The following NCOA7 variants were observed in gnomAD, a reference collection of about 807,000 sequenced individuals.
NCOA7 encodes the protein nuclear receptor coactivator 7.
In NCOA7, 45 loss-of-function variants were observed where a neutral mutation model predicts 104.3. That is an observed-to-expected ratio of 0.43 (90% CI 0.34 to 0.55). The LOEUF (loss-of-function observed/expected upper bound fraction) is 0.55. Among genes scored for constraint, NCOA7 ranks in the 20% least tolerant of loss-of-function variants. The pLI, the probability that NCOA7 is intolerant of heterozygous loss-of-function variation, is 0.02. For missense variants in NCOA7, 1,041 were observed against 1,119.7 expected, an observed-to-expected ratio of 0.93 and a Z score of 1.00; for synonymous variants, 398 against 402.3, an observed-to-expected ratio of 0.99 and a Z score of 0.13.
chr6:125,915,571 A>G (rs1786995351), intron 11 of NCOA7, 91 bp downstream of exon 11: 1 of 1,495,558 alleles, frequency 6.7e-7, no homozygotes, highest in Non-Finnish European at 9.2e-7. Flanking sequence ...CTGGTAAGAA[A>G]CTAGAGTCCC....
chr6:125,793,772 A>G (rs1469387387), intron 1 of NCOA7, among the ~76,000 whole-genome samples: 1 of 152,224 alleles, frequency 6.6e-6, no homozygotes, highest in Non-Finnish European at 1.5e-5. Flanking sequence ...AGAATTGTTG[A>G]TTGCAGAAAA....
At chr6:125,800,325 G>A (rs1286067936) in intron 1 of NCOA7, among the ~76,000 whole-genome samples, 1 of 152,224 alleles carries the variant, frequency 6.6e-6, no homozygotes, top group African/African-American at 2.4e-5. Flanking sequence ...TGTACCACAT[G>A]AAGGTACAGA....
At chr6:125,838,101 GATTA>G (rs1323859359) in intron 2 of NCOA7, among the ~76,000 whole-genome samples, 2 of 152,144 alleles carry the variant, frequency 1.3e-5, no homozygotes, top group South Asian at 4.1e-4. Context: ...ATAAAAGGCA[GATTA>G]ATAAGAGAGA....
At chr6:125,890,507 C>T in intron 9 of NCOA7, 135 bp from the exon 10 acceptor site, 1 of 848,630 alleles carries the variant, frequency 1.2e-6, no homozygotes, top group South Asian at 2.2e-5. Context: ...TTTATTAGTC[C>T]TGATACGATG....
Position 125,840,269 on chromosome 6 carries a change from A to G in NCOA7, c.51-14751A>G, listed in dbSNP as rs1038779627. ...AGAAAATATTTTTGTATGCTATACA[A>G]TGTGTTTATATTTTTAGCTAAATAT... On this transcript the variant is annotated intron_variant, in intron 2 of 15. Transcript: ENST00000392477. Among the ~76,000 whole-genome samples the G allele has an allele frequency of 1.3e-4, 20 of 152,268 alleles. 1 individual carries two copies. Among genetic ancestry groups the G allele is most frequent in the African/African-American group, 3.6e-4 (15 of 41,510 alleles).
chr6:125,886,183 GGAA>G (rs1472777092), intron 8 of NCOA7, among the ~76,000 whole-genome samples: 1 of 120,464 alleles, frequency 8.3e-6, no homozygotes, highest in Admixed American at 7.6e-5. Flanking sequence ...AAAAAAAAAA[GGAA>G]GTTACTAGGG....
At chr6:125,794,675 T>C (rs9398791) in intron 1 of NCOA7, among the ~76,000 whole-genome samples, 61,384 of 150,638 alleles carry the variant, frequency 0.41, 14,183 homozygotes, top group East Asian at 0.7. Context: ...GAACAAGAAT[T>C]GCAAATTTAG....
chr6:125,848,260 G>C (rs943053452), intron 2 of NCOA7, among the ~76,000 whole-genome samples: 1 of 152,152 alleles, frequency 6.6e-6, no homozygotes, highest in Non-Finnish European at 1.5e-5. Flanking sequence ...CAAGGATCTA[G>C]AACTAGAAAT....
chr6:125,918,937 G>T (rs2128693995), intron 11 of NCOA7, among the ~76,000 whole-genome samples: 1 of 151,910 alleles, frequency 6.6e-6, no homozygotes, highest in Non-Finnish European at 1.5e-5. Context: ...CTTAAAGAAG[G>T]TGCTGGGGGC....
Position 125,813,796 on chromosome 6 carries a change from T to C in NCOA7, c.-64-1495T>C, listed in dbSNP as rs1777306323. On this transcript the variant is annotated intron_variant, in intron 1 of 15. Transcript: ENST00000392477. ...AACCTTAGTGTGTGCTCAGGATACC[T>C]GGGGTGGGCCTTGCATAGTGTTAAG... Among the ~76,000 whole-genome samples the C allele has an allele frequency of 4.6e-5, 7 of 152,104 alleles. No individual in the cohort carries two copies. The South Asian group carries it at 1.2e-3, about 27-fold the overall frequency.
intron 2 of NCOA7, among the ~76,000 whole-genome samples, chr6:125,841,074 G>A (rs1433484568): frequency 1.3e-5 from 2 of 150,830 alleles, no homozygotes; most frequent in Non-Finnish European, 3.0e-5. Context: ...TGTAGTTTTA[G>A]TAGAGACAGG....
chr6:125,928,786 TA>T lies in NCOA7; in HGVS notation c.*19del. Reference sequence around the variant, plus strand: ...CATTTGATTGAAATTCAGACTGCCTTAAAATATAACATTAAAAAGACTGGGT... The same window carrying T: ...CATTTGATTGAAATTCAGACTGCCTTAAATATAACATTAAAAAGACTGGGT... On this transcript the variant is annotated 3_prime_UTR_variant, in exon 16 of 16. Transcript: ENST00000392477. 1 of 1,607,488 alleles carries T rather than the reference TA, an allele frequency of 6.2e-7. No homozygotes were observed. Among genetic ancestry groups the T allele is most frequent in the East Asian group, 2.2e-5 (1 of 44,800 alleles).
At chr6:125,839,975 A>G (rs1210253701) in intron 2 of NCOA7, among the ~76,000 whole-genome samples, 1 of 151,980 alleles carries the variant, frequency 6.6e-6, no homozygotes, top group African/African-American at 2.4e-5. Context: ...TAAAAAAAAA[A>G]AGCTAAACAG....
In NCOA7 at chr6:125,882,591, A is replaced by G. The variant is rs375572726; in HGVS notation, c.699+40A>G. 1.8e-4 allele frequency: 290 copies of G among 1,595,714 alleles called. 2 individuals are homozygous for G. In the South Asian group the frequency reaches 3.0e-3, roughly 16 times the overall value. ...AATTTGTTTCCTTTCCTTGAAATCTATGAAAAACTAAACAAAGTTACAAAT... is the reference window on the plus strand; with the variant it reads ...AATTTGTTTCCTTTCCTTGAAATCTGTGAAAAACTAAACAAAGTTACAAAT... On this transcript the variant is annotated intron_variant, in intron 7 of 15. Coordinates refer to ENST00000392477, the MANE Select transcript of NCOA7 (RefSeq NM_181782.5).
chr6:125,846,378 T>C (rs1376318302), intron 2 of NCOA7, among the ~76,000 whole-genome samples: 1 of 139,934 alleles, frequency 7.1e-6, no homozygotes, highest in Non-Finnish European at 1.6e-5. Context: ...TTTTTTTTTT[T>C]TAATCAAAAC....
upstream of NCOA7, chr6:125,790,930 G>C (rs114986274): frequency 6.6e-6 from 1 of 150,618 alleles, no homozygotes; most frequent in South Asian, 2.1e-4. Context: ...TCGGCGTACG[G>C]TCCTCCCCTG....
chr6:125,921,352 G>T (rs1413979371), intron 12 of NCOA7, among the ~76,000 whole-genome samples: 1 of 152,092 alleles, frequency 6.6e-6, no homozygotes, highest in Non-Finnish European at 1.5e-5. Flanking sequence ...GGAGGTTGCA[G>T]TGAGCCAAGA....
intron 10 of NCOA7, among the ~76,000 whole-genome samples, chr6:125,902,419 A>G (rs1367974221): frequency 6.6e-6 from 1 of 151,952 alleles, no homozygotes; most frequent in African/African-American, 2.4e-5. Flanking sequence ...GGCGGAACCA[A>G]CTTGGGAATT....
At chr6:125,926,311 CA>C (rs59529465) in intron 13 of NCOA7, among the ~76,000 whole-genome samples, 24,099 of 101,928 alleles carry the variant, frequency 0.24, 1,993 homozygotes, top group East Asian at 0.33. Context: ...GACTCCATCT[CA>C]AAAAAAAAAA....
Sources: allele counts gnomAD v4.1 joint callset (sites outside exome capture counted in the v4.1 genomes callset), GRCh38; gene constraint gnomAD v4.1.1; transcripts MANE v1.5; gene names NCBI Gene and HGNC (gene_info 2026-07-23, HGNC 2026-07-21).